RAB28: variants seen among roughly 807,000 people sequenced by gnomAD.
RAB28 encodes the protein RAB28, member RAS oncogene family.
In RAB28, 24 loss-of-function variants were observed where a neutral mutation model predicts 31.7. The observed-to-expected ratio is 0.76, with a 90% confidence interval of 0.55 to 1.06. RAB28 has a LOEUF of 1.06. Among genes scored for constraint, RAB28 ranks in the 50% least tolerant of loss-of-function variants. RAB28 has a pLI of 0.00. For missense variants in RAB28, 254 were observed against 258.5 expected, an observed-to-expected ratio of 0.98 and a Z score of 0.12; for synonymous variants, 100 against 90.4, an observed-to-expected ratio of 1.11 and a Z score of -0.60.
At chr4:13,459,980 G>A (rs1321170966) in intron 4 of RAB28, 11 of 1,124,516 alleles carry the variant, frequency 9.8e-6, no homozygotes, top group Admixed American at 2.3e-5. Flanking sequence ...CACAGGAATT[G>A]ACCAAAGCAG....
At chr4:13,439,717 C>T (rs1402153522) in intron 4 of RAB28, among the ~76,000 whole-genome samples, 1 of 152,098 alleles carries the variant, frequency 6.6e-6, no homozygotes, top group African/African-American at 2.4e-5. Context: ...GGCCTTTGAT[C>T]CATTTTTTGT....
At chr4:13,428,129 GATAAC>G (rs1435870915) in intron 4 of RAB28, among the ~76,000 whole-genome samples, 5 of 152,218 alleles carry the variant, frequency 3.3e-5, no homozygotes, top group African/African-American at 7.2e-5. Context: ...GGAATCTGTA[GATAAC>G]ATAACCAGTT....
At chr4:13,421,286 C>G (rs1316235394) in intron 4 of RAB28, among the ~76,000 whole-genome samples, 1 of 152,198 alleles carries the variant, frequency 6.6e-6, no homozygotes, top group Non-Finnish European at 1.5e-5. Flanking sequence ...ACAATCCATG[C>G]TCATGAATAG....
At chr4:13,383,653 A>G (rs1729231425) in intron 4 of RAB28, among the ~76,000 whole-genome samples, 1 of 152,130 alleles carries the variant, frequency 6.6e-6, no homozygotes. Flanking sequence ...AGGTCATGGG[A>G]GGGACCTGGT....
At chr4:13,412,085 T>C (rs1434875396) in intron 4 of RAB28, among the ~76,000 whole-genome samples, 2 of 150,988 alleles carry the variant, frequency 1.3e-5, no homozygotes, top group African/African-American at 4.9e-5. Context: ...CTACAGCCCC[T>C]ACACCACAAT....
At chr4:13,397,992 C>A (rs1392072399) in intron 4 of RAB28, among the ~76,000 whole-genome samples, 1 of 152,038 alleles carries the variant, frequency 6.6e-6, no homozygotes, top group East Asian at 1.9e-4. Flanking sequence ...CAGCCGGTAT[C>A]AAGCAGACAG....
chr4:13,415,222 T>C (rs1346376195), intron 4 of RAB28, among the ~76,000 whole-genome samples: 6 of 152,202 alleles, frequency 3.9e-5, no homozygotes, highest in Admixed American at 3.9e-4. Context: ...GTAAGTAGTA[T>C]TGAGAGTTGA....
chr4:13,410,807 G>C (rs984857295), intron 4 of RAB28, among the ~76,000 whole-genome samples: 16 of 152,226 alleles, frequency 1.1e-4, no homozygotes, highest in Admixed American at 9.2e-4. Flanking sequence ...ATAGGAATAA[G>C]TAAAGTCTTT....
intron 4 of RAB28, among the ~76,000 whole-genome samples, chr4:13,418,876 T>C (rs1006561661): frequency 1.6e-4 from 25 of 152,322 alleles, no homozygotes; most frequent in African/African-American, 5.3e-4. Flanking sequence ...GATATCATAA[T>C]GACAGGATCA....
chr4:13,432,974 A>C (rs1713892321), intron 4 of RAB28, among the ~76,000 whole-genome samples: 1 of 151,734 alleles, frequency 6.6e-6, no homozygotes, highest in Admixed American at 6.6e-5. Context: ...AGAGTGGCAA[A>C]TTGAATTTAA....
chr4:13,457,393 C>G (rs1305892788), intron 4 of RAB28, among the ~76,000 whole-genome samples: 2 of 152,134 alleles, frequency 1.3e-5, no homozygotes, highest in African/African-American at 4.8e-5. Flanking sequence ...ATAGGCTTAA[C>G]TGCAGAAGGA....
At position 13,480,667 on chromosome 4, in the gene RAB28, T is replaced by C. The variant is rs986369006; in HGVS notation, c.76-1141A>G. ...CAAATGGCAATTTGGACACCATAAC[T>C]CCAAATATTTTTGGGTTTAAATACC... On this transcript the variant is annotated intron_variant, in intron 1 of 6. Coordinates refer to ENST00000330852, the MANE Select transcript of RAB28 (RefSeq NM_001017979.3). Among the ~76,000 whole-genome samples, 6 of 151,874 alleles carry C rather than the reference T, an allele frequency of 4.0e-5. No individual in the cohort carries two copies. In the South Asian group the frequency reaches 8.3e-4, roughly 21 times the overall value.
intron 4 of RAB28, among the ~76,000 whole-genome samples, chr4:13,442,363 C>A (rs556334811): frequency 1.3e-5 from 2 of 151,358 alleles, no homozygotes; most frequent in African/African-American, 2.4e-5. Context: ...TTATTACACA[C>A]GTGTCTGCAT....
At chr4:13,468,786 T>TA (rs1553814982) in intron 3 of RAB28, among the ~76,000 whole-genome samples, 305 of 142,124 alleles carry the variant, frequency 2.1e-3, no homozygotes, top group Non-Finnish European at 3.5e-3. Context: ...GTTTTTTTTT[T>TA]AAAAAAAAAA....
At chr4:13,412,522 G>C (rs554670866) in intron 4 of RAB28, among the ~76,000 whole-genome samples, 1 of 152,196 alleles carries the variant, frequency 6.6e-6, no homozygotes, top group East Asian at 1.9e-4. Context: ...TGTTCTAAGA[G>C]CCTCTTTAAA....
chr4:13,472,884 T>C (rs1006558254), intron 3 of RAB28, among the ~76,000 whole-genome samples: 5 of 151,926 alleles, frequency 3.3e-5, no homozygotes, highest in African/African-American at 1.2e-4. Flanking sequence ...TGAGATGTAC[T>C]TTTTAAGAGA....
Position 13,368,671 on chromosome 4 carries a change from GTTA to G in RAB28, c.574-24_574-22del, listed in dbSNP as rs768254873. On this transcript the variant is annotated intron_variant, in intron 6 of 6. Coordinates refer to ENST00000330852, the MANE Select transcript of RAB28 (RefSeq NM_001017979.3). ...ACCCTCTGTCATAAAAGAAAACAGA[GTTA>G]TTATCAGGATATCAGAACATTTAGA... 19 of 1,585,162 alleles carry G rather than the reference GTTA, an allele frequency of 1.2e-5. No individual in the cohort carries two copies. The African/African-American group carries it at 1.9e-4, about 16-fold the overall frequency.
At chr4:13,387,617 T>C (rs1219283750) in intron 4 of RAB28, among the ~76,000 whole-genome samples, 1 of 152,036 alleles carries the variant, frequency 6.6e-6, no homozygotes, top group Admixed American at 6.5e-5. Flanking sequence ...TAGGTAAAAG[T>C]ACAGATGGCT....
intron 1 of RAB28, among the ~76,000 whole-genome samples, chr4:13,482,052 AAAGCTGTTACAGTTTT>A (rs1304592577): frequency 6.6e-6 from 1 of 152,170 alleles, no homozygotes; most frequent in Non-Finnish European, 1.5e-5. Context: ...CCTGTTAGAA[AAAGCTGTTACAGTTTT>A]AAAATAAGTT....
Sources: gnomAD v4.1 joint callset for allele counts (sites outside exome capture counted in the v4.1 genomes callset) on GRCh38, gnomAD v4.1.1 for gene constraint, MANE v1.5 for transcripts, NCBI Gene and HGNC (gene_info 2026-07-23, HGNC 2026-07-21) for gene names.